The following PPM1L variants were observed in gnomAD, a reference collection of about 807,000 sequenced individuals.
PPM1L encodes the protein protein phosphatase, Mg2+/Mn2+ dependent 1L.
PPM1L carries 13 observed loss-of-function variants against 31.4 expected under a neutral mutation model. The ratio of observed to expected loss-of-function variants is 0.41; its 90% confidence interval spans 0.27 to 0.66. PPM1L has a LOEUF of 0.66. Among genes scored for constraint, PPM1L ranks in the 30% least tolerant of loss-of-function variants. PPM1L has a pLI of 0.29. For synonymous variants in PPM1L, 184 were observed against 175.4 expected (o/e 1.05, Z -0.39); for missense variants, 326 against 453.7 (o/e 0.72, Z 2.56).
At chr3:160,976,691 G>T (rs1451375911) in intron 2 of PPM1L, among the ~76,000 whole-genome samples, 3 of 152,196 alleles carry the variant, frequency 2.0e-5, no homozygotes, top group Non-Finnish European at 2.9e-5. Context: ...TCTGATGGTA[G>T]TTTGTATTTC....
At chr3:160,851,340 T>G (rs1309083882) in intron 1 of PPM1L, among the ~76,000 whole-genome samples, 1 of 152,202 alleles carries the variant, frequency 6.6e-6, no homozygotes, top group Non-Finnish European at 1.5e-5. Context: ...TCAGTGATTC[T>G]ATTATTTTCT....
At chr3:160,975,119 T>C (rs1716518011) in intron 2 of PPM1L, among the ~76,000 whole-genome samples, 2 of 152,210 alleles carry the variant, frequency 1.3e-5, no homozygotes, top group Admixed American at 1.3e-4. Context: ...GCACCATTTA[T>C]TAAATAGGGA....
intron 2 of PPM1L, among the ~76,000 whole-genome samples, chr3:161,036,760 G>A (rs531311060): frequency 7.2e-5 from 11 of 152,234 alleles, no homozygotes; most frequent in African/African-American, 2.4e-4. Flanking sequence ...AAGTACATTC[G>A]TATTGATTGC....
chr3:160,823,751 C>T (rs906222381), intron 1 of PPM1L, among the ~76,000 whole-genome samples: 1 of 151,946 alleles, frequency 6.6e-6, no homozygotes, highest in African/African-American at 2.4e-5. Flanking sequence ...ATTGGTATCC[C>T]CCATTTATGG....
intron 1 of PPM1L, among the ~76,000 whole-genome samples, chr3:160,906,573 G>T (rs1032646597): frequency 6.7e-6 from 1 of 149,028 alleles, no homozygotes; most frequent in African/African-American, 2.6e-5. Context: ...CTGCACTCCA[G>T]CCTGACAACA....
chr3:160,954,325 C>T (rs1559901529), intron 1 of PPM1L, among the ~76,000 whole-genome samples: 2 of 149,476 alleles, frequency 1.3e-5, no homozygotes, highest in East Asian at 3.9e-4. Context: ...TTAATTCACC[C>T]TTTTTTTTTT....
At chr3:160,951,887 C>T (rs1159615241) in intron 1 of PPM1L, among the ~76,000 whole-genome samples, 2 of 152,202 alleles carry the variant, frequency 1.3e-5, no homozygotes, top group Non-Finnish European at 2.9e-5. Flanking sequence ...CTAGCATTTG[C>T]ACGTCTGCAG....
rs1715287630 is a variant in PPM1L at position 160,944,803 on chromosome 3, A to ATGTTATATATTATAT, written c.400-16932_400-16931insGTTATATATTATATT. On this transcript the variant is annotated intron_variant, in intron 1 of 3. Coordinates refer to ENST00000498165, the MANE Select transcript of PPM1L (RefSeq NM_139245.4). ...TTATATTATATATGTTATATATAAC[A>ATGTTATATATTATAT]TATATAACATATATATGTTATATAT... 3.4e-5 allele frequency among the ~76,000 whole-genome samples: 2 copies of ATGTTATATATTATAT among 59,254 alleles called. 1 individual carries two copies. The highest frequency in any genetic ancestry group is 7.4e-5 in the Non-Finnish European group (2 of 26,902). The allele number at this position is 59,254 out of a possible 152,430, so 38.9% of individuals were successfully genotyped here.
intron 1 of PPM1L, among the ~76,000 whole-genome samples, chr3:160,833,819 T>G (rs192797472): frequency 6.6e-6 from 1 of 152,144 alleles, no homozygotes; most frequent in East Asian, 1.9e-4. Flanking sequence ...TGCAATTGCT[T>G]TTGGTGATTT....
At position 160,868,324 on chromosome 3, in the gene PPM1L, C is replaced by G. The variant is rs1712166060; in HGVS notation, c.400-93412C>G. Among the ~76,000 whole-genome samples the G allele has an allele frequency of 2.6e-5, 4 of 152,294 alleles. No homozygotes were observed. The South Asian group carries it at 8.3e-4, about 32-fold the overall frequency. On this transcript the variant is annotated intron_variant, in intron 1 of 3. Coordinates refer to ENST00000498165, the MANE Select transcript of PPM1L (RefSeq NM_139245.4). ...ACCTGGAGAAGTAGGTGCCTGACAG[C>G]AGATGCAACATTGGTGACTTCCTGG...
chr3:160,935,600 C>T (rs573927657), intron 1 of PPM1L, among the ~76,000 whole-genome samples: 1 of 152,242 alleles, frequency 6.6e-6, no homozygotes, highest in Non-Finnish European at 1.5e-5. Context: ...GCTGCGGCTC[C>T]CCTGTTTGTT....
intron 2 of PPM1L, among the ~76,000 whole-genome samples, chr3:161,016,486 G>GA (rs1718091559): frequency 6.6e-6 from 1 of 152,212 alleles, no homozygotes; most frequent in Non-Finnish European, 1.5e-5. Context: ...GCTGAAGAAG[G>GA]AACAGGTTGA....
At chr3:160,774,749 G>A (rs955044831) in intron 1 of PPM1L, among the ~76,000 whole-genome samples, 9 of 152,250 alleles carry the variant, frequency 5.9e-5, no homozygotes, top group Non-Finnish European at 1.0e-4. Context: ...GGTTCCCCTC[G>A]ATTTCCAGCT....
intron 2 of PPM1L, among the ~76,000 whole-genome samples, chr3:161,062,145 G>GA (rs1284006820): frequency 0.011 from 1,638 of 147,232 alleles, 19 homozygotes; most frequent in African/African-American, 0.037. Flanking sequence ...AGTGGGGGGG[G>GA]AAAAAAAAAA....
At position 161,049,769 on chromosome 3, in the gene PPM1L, T is replaced by C. The variant is rs146449818; in HGVS notation, c.575-15634T>C. Among the ~76,000 whole-genome samples the C allele has an allele frequency of 4.1e-4, 62 of 152,300 alleles. 1 individual carries two copies. In the South Asian group the frequency reaches 0.01, roughly 25 times the overall value. ...TAACATTTCCTGTTGTGACTTGATATCTGGTTTGAGATTCTGGCATCCTGT... is the reference window on the plus strand; with the variant it reads ...TAACATTTCCTGTTGTGACTTGATACCTGGTTTGAGATTCTGGCATCCTGT... On this transcript the variant is annotated intron_variant, in intron 2 of 3. Coordinates refer to ENST00000498165, the MANE Select transcript of PPM1L (RefSeq NM_139245.4).
chr3:160,995,486 A>G (rs1215507706), intron 2 of PPM1L, among the ~76,000 whole-genome samples: 1 of 151,872 alleles, frequency 6.6e-6, no homozygotes, highest in Non-Finnish European at 1.5e-5. Context: ...ACACCCAGCT[A>G]ATTTTTGTAT....
chr3:161,066,332 A>C (rs1719738447), intron 3 of PPM1L, among the ~76,000 whole-genome samples: 1 of 152,254 alleles, frequency 6.6e-6, no homozygotes, highest in Admixed American at 6.5e-5. Flanking sequence ...CATGAAACTT[A>C]CATTCTGAAA....
At chr3:160,860,222 C>T (rs576085043) in intron 1 of PPM1L, among the ~76,000 whole-genome samples, 6 of 152,298 alleles carry the variant, frequency 3.9e-5, no homozygotes, top group Admixed American at 2.6e-4. Flanking sequence ...TTAGTCACCA[C>T]GTCCAGATGC....
intron 1 of PPM1L, among the ~76,000 whole-genome samples, chr3:160,816,786 G>T (rs1406012603): frequency 1.3e-5 from 2 of 152,042 alleles, no homozygotes; most frequent in Non-Finnish European, 2.9e-5. Flanking sequence ...CATAAGATTT[G>T]AGAACTTGTT....
Sources: gnomAD v4.1 joint callset for allele counts (sites outside exome capture counted in the v4.1 genomes callset) on GRCh38, gnomAD v4.1.1 for gene constraint, MANE v1.5 for transcripts, NCBI Gene and HGNC (gene_info 2026-07-23, HGNC 2026-07-21) for gene names.